Variants in NEBL observed in about 807,000 individuals in gnomAD.
NEBL encodes LIM and SH3 protein 2.
Under a neutral mutation model 140.2 loss-of-function variants are expected in NEBL, and 122 were observed. The ratio of observed to expected loss-of-function variants is 0.87; its 90% CI spans 0.75 to 1.01. The LOEUF (loss-of-function observed/expected upper bound fraction) is 1.01, where lower values mean the gene tolerates loss of function less well. Among genes scored for constraint, NEBL ranks in the 50% least tolerant of loss-of-function variants. NEBL has a pLI of 0.00. For synonymous variants in NEBL, 436 were observed against 398.9 expected (o/e 1.09, Z -1.11); for missense variants, 1,365 against 1,231.3 (o/e 1.11, Z -1.62).
chr10:21,210,594 C>T (rs1421943109), intron 3 of NEBL, among the ~76,000 whole-genome samples: 3 of 152,136 alleles, frequency 2.0e-5, no homozygotes, highest in Admixed American at 6.5e-5. Flanking sequence ...CAAAATCATA[C>T]AATTAAATGT....
At chr10:21,029,012 C>CA in intron 2 of NEBL, 2 of 718,610 alleles carry the variant, frequency 2.8e-6, no homozygotes, top group Middle Eastern at 4.1e-4. Flanking sequence ...GCGGCCTCAG[C>CA]AAAAAAGACG....
chr10:20,869,972 T>C, intron 5 of NEBL, 131 bp from the exon 6 acceptor site: 2 of 697,264 alleles, frequency 2.9e-6, no homozygotes, highest in Non-Finnish European at 5.2e-6. Flanking sequence ...AAGTTGGCTT[T>C]TTGTGCATCT....
At chr10:20,838,179 T>C (rs1242465168) in intron 13 of NEBL, among the ~76,000 whole-genome samples, 1 of 152,206 alleles carries the variant, frequency 6.6e-6, no homozygotes, top group African/African-American at 2.4e-5. Flanking sequence ...GCAAAGTAAA[T>C]TGAAAACCTT....
intron 2 of NEBL, among the ~76,000 whole-genome samples, chr10:21,160,884 T>TA (rs1229204897): frequency 6.6e-6 from 1 of 151,284 alleles, no homozygotes; most frequent in African/African-American, 2.4e-5. Flanking sequence ...AAAAACATGA[T>TA]ATGCAAGTAA....
At chr10:21,222,768 C>CT (rs1013428753) in intron 3 of NEBL, among the ~76,000 whole-genome samples, 16 of 151,688 alleles carry the variant, frequency 1.1e-4, no homozygotes, top group East Asian at 3.9e-4. Flanking sequence ...TTTTAGTTTT[C>CT]TTTTTTTTTG....
At chr10:21,283,121 G>T (rs936479239) in intron 1 of NEBL, among the ~76,000 whole-genome samples, 1 of 133,596 alleles carries the variant, frequency 7.5e-6, no homozygotes, top group African/African-American at 2.7e-5. Flanking sequence ...GGGCGACAGG[G>T]CAAGACTGTG....
At chr10:20,973,751 G>C (rs535108399) in intron 3 of NEBL, among the ~76,000 whole-genome samples, 4 of 152,202 alleles carry the variant, frequency 2.6e-5, no homozygotes, top group Non-Finnish European at 4.4e-5. Context: ...CAAGAGGTTT[G>C]ATTTAGGAAC....
intron 4 of NEBL, among the ~76,000 whole-genome samples, chr10:20,885,972 G>A (rs957171366): frequency 1.1e-4 from 16 of 152,166 alleles, no homozygotes; most frequent in African/African-American, 3.6e-4. Context: ...ATGTGTAATA[G>A]TGAAACACTT....
At chr10:21,118,441 C>T (rs1006442136) in intron 2 of NEBL, among the ~76,000 whole-genome samples, 1 of 152,030 alleles carries the variant, frequency 6.6e-6, no homozygotes, top group Admixed American at 6.6e-5. Context: ...AAAAAGAAAC[C>T]TAAATTGAAA....
upstream of NEBL, among the ~76,000 whole-genome samples, chr10:20,901,110 G>C (rs1847852661): frequency 6.6e-6 from 1 of 152,096 alleles, no homozygotes; most frequent in South Asian, 2.1e-4. Context: ...ACACAGTGAT[G>C]TGAAAAACAT....
At position 21,265,625 on chromosome 10, in the gene NEBL, T is replaced by A. The variant is rs374596657; in HGVS notation, n.183-13797A>T. On this transcript the variant is annotated intron_variant and non_coding_transcript_variant, in intron 1 of 8. Transcript: ENST00000675702. ...ACAGGAAAGGGAAGAAAGCCAATAG[T>A]GCGTTATCAAAGTGGCCACTGTGGG... Among the ~76,000 whole-genome samples the A allele has an allele frequency of 8.5e-5, 13 of 152,302 alleles. No individual in the cohort carries two copies. In the East Asian group the frequency reaches 2.5e-3, roughly 29 times the overall value.
chr10:21,001,346 G>A (rs1439704862), intron 3 of NEBL, among the ~76,000 whole-genome samples: 1 of 152,118 alleles, frequency 6.6e-6, no homozygotes, highest in East Asian at 1.9e-4. Flanking sequence ...GTAGCAGCTG[G>A]GAATCAGAGA....
chr10:20,798,350 G>A (rs1002230175), intron 26 of NEBL, among the ~76,000 whole-genome samples: 17 of 152,048 alleles, frequency 1.1e-4, no homozygotes, highest in African/African-American at 1.7e-4. Flanking sequence ...CAACCTACAC[G>A]CCTAGGGCTT....
At chr10:21,023,370 G>A (rs760792380) in intron 2 of NEBL, among the ~76,000 whole-genome samples, 8 of 152,112 alleles carry the variant, frequency 5.3e-5, no homozygotes, top group Non-Finnish European at 7.4e-5. Context: ...ATGCTTTGGG[G>A]AACAACCTTC....
At chr10:20,985,843 G>A (rs551908646) in intron 3 of NEBL, among the ~76,000 whole-genome samples, 2 of 152,154 alleles carry the variant, frequency 1.3e-5, no homozygotes, top group South Asian at 2.1e-4. Flanking sequence ...AGGACCAGCA[G>A]GAAAATAAAA....
chr10:20,854,751 G>A (rs1390008809), intron 9 of NEBL, among the ~76,000 whole-genome samples: 2 of 151,442 alleles, frequency 1.3e-5, no homozygotes, highest in African/African-American at 4.9e-5. Flanking sequence ...TTTTTGTGGA[G>A]CTAGGGTCCC....
intron 3 of NEBL, among the ~76,000 whole-genome samples, chr10:20,994,460 C>T (rs2131695069): frequency 6.6e-6 from 1 of 152,250 alleles, no homozygotes; most frequent in African/African-American, 2.4e-5. Flanking sequence ...GAATAAGATT[C>T]AAATGTAACT....
chr10:21,266,743 G>A (rs779657511), intron 1 of NEBL, among the ~76,000 whole-genome samples: 2 of 152,166 alleles, frequency 1.3e-5, no homozygotes, highest in East Asian at 1.9e-4. Flanking sequence ...TTCAGCAAGG[G>A]AGAAAATCCC....
chr10:20,803,826 T>A (rs1340931138), intron 26 of NEBL, among the ~76,000 whole-genome samples: 21 of 145,458 alleles, frequency 1.4e-4, no homozygotes, highest in African/African-American at 4.7e-4. Context: ...TATATATATA[T>A]ATATATATAT....
Sources: gnomAD v4.1 joint callset for allele counts (sites outside exome capture counted in the v4.1 genomes callset) on GRCh38, gnomAD v4.1.1 for gene constraint, MANE v1.5 for transcripts, NCBI Gene and HGNC (gene_info 2026-07-23, HGNC 2026-07-21) for gene names.